The following AKT3 variants were observed in gnomAD, a reference collection of about 807,000 sequenced individuals.
The protein encoded by AKT3 is RAC-gamma serine/threonine-protein kinase.
A neutral mutation model predicts 65.3 loss-of-function variants in AKT3; 15 were observed. The observed-to-expected ratio is 0.23, with a 90% CI of 0.15 to 0.35. AKT3 has a LOEUF of 0.35. Among genes scored for constraint, AKT3 ranks in the 10% least tolerant of loss-of-function variants. The probability of loss-of-function intolerance (pLI) is 1.00; values close to 1 mark genes in which losing one functional copy is unlikely to be tolerated. For synonymous variants in AKT3, 206 were observed against 183.8 expected (o/e 1.12, Z -0.98); for missense variants, 243 against 576.5 (o/e 0.42, Z 5.92).
rs181307203 is a variant in AKT3, at chr1:243,804,676, C to T, written c.46+38449G>A. Among the ~76,000 whole-genome samples the T allele has an allele frequency of 1.2e-3, 187 of 152,132 alleles. 3 individuals are homozygous for T. Among genetic ancestry groups the T allele is most frequent in the East Asian group, 9.7e-4 (5 of 5,156 alleles). On this transcript the variant is annotated intron_variant, in intron 2 of 13. Coordinates refer to ENST00000673466, the MANE Select transcript of AKT3 (RefSeq NM_005465.7). The stretch of plus-strand genomic sequence containing the variant: ...CCTGGCTAACACAGTGAAACCCTGT[C>T]TCTACTAAAAAATACAAAAAATTAG...
chr1:243,808,628 T>C (rs1410613762), intron 2 of AKT3, among the ~76,000 whole-genome samples: 4 of 152,170 alleles, frequency 2.6e-5, no homozygotes, highest in South Asian at 2.1e-4. Flanking sequence ...CCAGGAGAAC[T>C]TCCCCAATCC....
chr1:243,722,747 G>T (rs1686987712), intron 2 of AKT3, among the ~76,000 whole-genome samples: 1 of 152,084 alleles, frequency 6.6e-6, no homozygotes, highest in Admixed American at 6.5e-5. Flanking sequence ...CTCAGAAAAA[G>T]AAATACCATG....
At chr1:243,580,921 T>C (rs1190712962) in intron 8 of AKT3, among the ~76,000 whole-genome samples, 1 of 152,138 alleles carries the variant, frequency 6.6e-6, no homozygotes, top group Admixed American at 6.5e-5. Flanking sequence ...GGAAGATCCC[T>C]AGGCATTCAG....
intron 8 of AKT3, among the ~76,000 whole-genome samples, chr1:243,605,744 T>C (rs1677356548): frequency 6.6e-6 from 1 of 152,204 alleles, no homozygotes; most frequent in Non-Finnish European, 1.5e-5. Flanking sequence ...CCAAATACAG[T>C]CATGCATTAC....
chr1:243,712,765 G>C (rs1686242704), intron 2 of AKT3, among the ~76,000 whole-genome samples: 1 of 152,072 alleles, frequency 6.6e-6, no homozygotes, highest in South Asian at 2.1e-4. Context: ...TAATAAACCA[G>C]ACATTTAAGT....
At chr1:243,730,658 G>A (rs1314315309) in intron 2 of AKT3, among the ~76,000 whole-genome samples, 1 of 152,206 alleles carries the variant, frequency 6.6e-6, no homozygotes, top group Non-Finnish European at 1.5e-5. Context: ...GCCGGCTGGG[G>A]TGAGGTGGTG....
intron 2 of AKT3, among the ~76,000 whole-genome samples, chr1:243,828,552 C>T (rs1359838310): frequency 1.3e-5 from 2 of 152,178 alleles, no homozygotes; most frequent in East Asian, 1.9e-4. Flanking sequence ...TCTTCCTCCT[C>T]AGCCTACTTG....
chr1:243,789,176 G>A (rs771550669), intron 2 of AKT3, among the ~76,000 whole-genome samples: 10 of 152,166 alleles, frequency 6.6e-5, no homozygotes, highest in Non-Finnish European at 1.2e-4. Context: ...CGAGGAGTTC[G>A]AAAACAGCCT....
intron 3 of AKT3, among the ~76,000 whole-genome samples, chr1:243,679,978 A>G (rs996825523): frequency 2.0e-5 from 3 of 152,196 alleles, no homozygotes; most frequent in Non-Finnish European, 2.9e-5. Flanking sequence ...ATAGTGCTGT[A>G]AAGATTATTA....
intron 8 of AKT3, among the ~76,000 whole-genome samples, chr1:243,584,796 T>C (rs1288838557): frequency 2.0e-5 from 3 of 152,132 alleles, no homozygotes; most frequent in African/African-American, 4.8e-5. Flanking sequence ...AACATCATAC[T>C]GAACAGGCAA....
intron 2 of AKT3, among the ~76,000 whole-genome samples, chr1:243,723,811 C>T (rs904885502): frequency 1.3e-5 from 2 of 152,084 alleles, no homozygotes; most frequent in South Asian, 4.1e-4. Context: ...GTTCCAGCTA[C>T]TTGGGAGTCT....
chr1:243,762,041 A>G (rs1689528852), intron 2 of AKT3, among the ~76,000 whole-genome samples: 1 of 152,092 alleles, frequency 6.6e-6, no homozygotes, highest in Admixed American at 6.6e-5. Context: ...AAATGAATAA[A>G]AACATCTACA....
intron 9 of AKT3, among the ~76,000 whole-genome samples, chr1:243,569,832 T>TA (rs1337056413): frequency 6.6e-6 from 1 of 152,232 alleles, no homozygotes; most frequent in African/African-American, 2.4e-5. Context: ...ACGCTGTGCT[T>TA]AGATGGCCAT....
intron 6 of AKT3, among the ~76,000 whole-genome samples, chr1:243,632,862 C>CT (rs1679707009): frequency 1.3e-5 from 2 of 152,188 alleles, no homozygotes; most frequent in African/African-American, 2.4e-5. Context: ...TGTTCTTCTG[C>CT]AGCTTCCTTA....
At chr1:243,499,433 G>A (rs1668944898), downstream of AKT3, among the ~76,000 whole-genome samples, 2 of 152,216 alleles carry the variant, frequency 1.3e-5, no homozygotes, top group Admixed American at 1.3e-4. Context: ...ACAAATCAAT[G>A]TGTCCTTTCC....
chr1:243,647,182 C>T (rs1194491305), intron 4 of AKT3, among the ~76,000 whole-genome samples: 2 of 152,198 alleles, frequency 1.3e-5, no homozygotes, highest in African/African-American at 4.8e-5. Flanking sequence ...TTTATTCCTA[C>T]ATACAATCAT....
At chr1:243,843,539 C>T (rs576206133) in intron 1 of AKT3, 2 of 1,062,900 alleles carry the variant, frequency 1.9e-6, no homozygotes, top group African/African-American at 1.7e-5. Flanking sequence ...ACCAGTCACG[C>T]CTACCCAAAT....
At chr1:243,679,506 A>G (rs1389509849) in intron 3 of AKT3, among the ~76,000 whole-genome samples, 2 of 152,222 alleles carry the variant, frequency 1.3e-5, no homozygotes, top group Non-Finnish European at 2.9e-5. Context: ...CTCTGATCAC[A>G]TAAGACAAAG....
chr1:243,721,705 A>G (rs1035478181), intron 2 of AKT3, among the ~76,000 whole-genome samples: 1 of 111,478 alleles, frequency 9.0e-6, no homozygotes, highest in Non-Finnish European at 2.0e-5. Flanking sequence ...AGGAGTTAAT[A>G]ACCCTGGGAA....
Sources: gnomAD v4.1 joint callset for allele counts (sites outside exome capture counted in the v4.1 genomes callset) on GRCh38, gnomAD v4.1.1 for gene constraint, MANE v1.5 for transcripts, NCBI Gene and HGNC (gene_info 2026-07-23, HGNC 2026-07-21) for gene names.